The following MTFR1 variants were observed in gnomAD, a reference collection of about 807,000 sequenced individuals.
MTFR1 encodes the protein chondrocyte protein with a poly-proline region.
A neutral mutation model predicts 38.8 loss-of-function variants in MTFR1; 28 were observed. The observed-to-expected ratio is 0.72, with a 90% CI of 0.53 to 0.99. The LOEUF (loss-of-function observed/expected upper bound fraction) is 0.99, where lower values mean the gene tolerates loss of function less well. Among genes scored for constraint, MTFR1 ranks in the 50% least tolerant of loss-of-function variants. The pLI, the probability that MTFR1 is intolerant of heterozygous loss-of-function variation, is 0.00. For missense variants in MTFR1, 358 were observed against 395.5 expected, an observed-to-expected ratio of 0.91 and a Z score of 0.81; for synonymous variants, 145 against 137.0, an observed-to-expected ratio of 1.06 and a Z score of -0.41.
At chr8:65,759,904 A>C (rs963377721) in intron 3 of MTFR1, among the ~76,000 whole-genome samples, 8 of 152,136 alleles carry the variant, frequency 5.3e-5, no homozygotes, top group South Asian at 2.1e-4. Flanking sequence ...TATACGTATA[A>C]TTTTTCTTTC....
rs1805892344 is a variant in MTFR1, at chr8:65,709,789, A to C, written c.*745A>C. ...AGTGATGAATCAAATTATTGAATTA[A>C]ATTTCTTCTTAAGAAGTAAAAACTC... On this transcript the variant is annotated 3_prime_UTR_variant, in exon 8 of 8. Transcript: ENST00000262146. The C allele has an allele frequency of 6.6e-6, 1 of 152,654 alleles. No individual in the cohort carries two copies. Among genetic ancestry groups the C allele is most frequent in the Non-Finnish European group, 1.5e-5 (1 of 68,038 alleles). The allele number at this position is 152,654 out of a possible 1,614,324, so 9.5% of individuals were successfully genotyped here.
intron 3 of MTFR1, among the ~76,000 whole-genome samples, chr8:65,732,045 C>G (rs139705564): frequency 9.6e-4 from 146 of 152,184 alleles, no homozygotes; most frequent in Middle Eastern, 3.4e-3. Flanking sequence ...GTCGCCCAGG[C>G]TGGAACGCAG....
At chr8:65,769,121 G>A (rs958346692) in intron 3 of MTFR1, among the ~76,000 whole-genome samples, 3 of 151,736 alleles carry the variant, frequency 2.0e-5, no homozygotes, top group Non-Finnish European at 4.4e-5. Flanking sequence ...GATGGCAGGC[G>A]CCTGTAATCC....
At chr8:65,758,580 G>A (rs942396131) in intron 3 of MTFR1, among the ~76,000 whole-genome samples, 8 of 152,160 alleles carry the variant, frequency 5.3e-5, no homozygotes, top group East Asian at 3.9e-4. Flanking sequence ...CACTTGTGAC[G>A]GTGAGTAAGC....
At chr8:65,716,135 C>G (rs1450598531) in intron 2 of MTFR1, among the ~76,000 whole-genome samples, 1 of 139,414 alleles carries the variant, frequency 7.2e-6, no homozygotes. Flanking sequence ...TAGTTAGCAG[C>G]GAGACCCTGT....
At chr8:65,676,704 CCTG>C (rs1417196424) in intron 2 of MTFR1, among the ~76,000 whole-genome samples, 6 of 152,058 alleles carry the variant, frequency 3.9e-5, no homozygotes, top group Admixed American at 2.6e-4. Flanking sequence ...TATAGTTTTT[CCTG>C]CTAAAAGTTG....
chr8:65,747,092 A>G (rs1807706092), intron 3 of MTFR1, among the ~76,000 whole-genome samples: 1 of 152,246 alleles, frequency 6.6e-6, no homozygotes, highest in Non-Finnish European at 1.5e-5. Flanking sequence ...AAGTTTAACT[A>G]TGATACATCT....
chr8:65,763,167 G>A (rs1411359598), intron 3 of MTFR1, among the ~76,000 whole-genome samples: 1 of 151,820 alleles, frequency 6.6e-6, no homozygotes, highest in Non-Finnish European at 1.5e-5. Context: ...CTTAAGGGAG[G>A]GAATATTTGT....
At chr8:65,648,532 C>T (rs1463414752) in intron 1 of MTFR1, among the ~76,000 whole-genome samples, 1 of 152,080 alleles carries the variant, frequency 6.6e-6, no homozygotes, top group African/African-American at 2.4e-5. Context: ...ATTTATGATA[C>T]TGAAGTTATT....
chr8:65,666,170 G>C lies in MTFR1; in HGVS notation c.-80-3703G>C, dbSNP rs187304638. Among the ~76,000 whole-genome samples the C allele has an allele frequency of 2.2e-3, 337 of 152,332 alleles. 1 individual carries two copies. The highest frequency in any genetic ancestry group is 7.8e-3 in the African/African-American group (324 of 41,578). Reference sequence around the variant, plus strand: ...GCCTGTAATCCCAGCACTTTGGGAGGCCAAGGTGGGTGGATCACCTGAGGT... The same window carrying C: ...GCCTGTAATCCCAGCACTTTGGGAGCCCAAGGTGGGTGGATCACCTGAGGT... On this transcript the variant is annotated intron_variant, in intron 1 of 7. Coordinates refer to ENST00000262146, the MANE Select transcript of MTFR1 (RefSeq NM_014637.4).
chr8:65,681,275 A>G (rs951296088), intron 2 of MTFR1, among the ~76,000 whole-genome samples: 4 of 151,996 alleles, frequency 2.6e-5, no homozygotes, highest in African/African-American at 9.7e-5. Flanking sequence ...GTGCACCACC[A>G]TGCCTGGCTA....
intron 3 of MTFR1, chr8:65,724,381 A>G (rs1202134382): frequency 7.0e-7 from 1 of 1,429,788 alleles, no homozygotes; most frequent in Non-Finnish European, 9.9e-7. Context: ...TATTGTTTTA[A>G]GATATATACA....
At chr8:65,766,501 G>A (rs1585895086) in intron 3 of MTFR1, among the ~76,000 whole-genome samples, 1 of 152,200 alleles carries the variant, frequency 6.6e-6, no homozygotes, top group South Asian at 2.1e-4. Context: ...GTAAGGAGAC[G>A]CTGCCATAGT....
intron 3 of MTFR1, chr8:65,724,950 T>C (rs1235288293): frequency 6.7e-6 from 10 of 1,481,522 alleles, no homozygotes; most frequent in African/African-American, 1.4e-5. Flanking sequence ...AAAGAGAAAA[T>C]ATAAGACTTT....
chr8:65,715,372 TAA>T (rs1162786052), downstream of MTFR1, among the ~76,000 whole-genome samples: 2 of 149,458 alleles, frequency 1.3e-5, no homozygotes, highest in Admixed American at 6.6e-5. Flanking sequence ...CCTGTCTCTA[TAA>T]AAAAGTTTTT....
chr8:65,734,740 A>AAT, intron 3 of MTFR1: 1 of 997,338 alleles, frequency 1.0e-6, no homozygotes, highest in South Asian at 1.3e-5. Context: ...TGTGAAAGTA[A>AAT]ATCAAAAGGA....
chr8:65,772,794 A>T (rs752508468), downstream of MTFR1, among the ~76,000 whole-genome samples: 13 of 152,188 alleles, frequency 8.5e-5, no homozygotes, highest in Non-Finnish European at 1.8e-4. Flanking sequence ...ACTTGAGGTC[A>T]GGAGTTCAAG....
chr8:65,748,827 G>C (rs1807803008), intron 3 of MTFR1, among the ~76,000 whole-genome samples: 1 of 152,186 alleles, frequency 6.6e-6, no homozygotes, highest in Admixed American at 6.5e-5. Context: ...ACAAGTCAGA[G>C]ACACAGCAGG....
In MTFR1 at chr8:65,768,973, C is replaced by T. The variant is rs541296017; in HGVS notation, c.*49-1974C>T. ...ACTAAAAGTAACAGACATGGCCAGGCGAGGTGGCTCACACCTGTAATCCCA... is the reference window on the plus strand; with the variant it reads ...ACTAAAAGTAACAGACATGGCCAGGTGAGGTGGCTCACACCTGTAATCCCA... On this transcript the variant is annotated intron_variant, in intron 3 of 3. Coordinates refer to the MTFR1 transcript ENST00000521247. Among the ~76,000 whole-genome samples, 57 of 152,184 alleles carry T rather than the reference C, an allele frequency of 3.7e-4. 1 individual carries two copies. The highest frequency in any genetic ancestry group is 1.5e-3 in the South Asian group (7 of 4,812).
Sources: gnomAD v4.1 joint callset for allele counts (sites outside exome capture counted in the v4.1 genomes callset) on GRCh38, gnomAD v4.1.1 for gene constraint, MANE v1.5 for transcripts, NCBI Gene and HGNC (gene_info 2026-07-23, HGNC 2026-07-21) for gene names.